MYO3A: variants seen among roughly 807,000 people sequenced by gnomAD.
The protein encoded by MYO3A is myosin-IIIa.
In MYO3A, 180 loss-of-function variants were observed where a neutral mutation model predicts 192.7. The observed-to-expected ratio is 0.93, with a 90% CI of 0.83 to 1.06. The LOEUF (loss-of-function observed/expected upper bound fraction) is 1.06, where lower values mean the gene tolerates loss of function less well. Ranked by LOEUF, MYO3A falls within the 50% of genes least tolerant of loss-of-function variation. The pLI is 0.00. For synonymous variants in MYO3A, 628 were observed against 645.3 expected (o/e 0.97, Z 0.41); for missense variants, 1,896 against 1,905.0 (o/e 1.00, Z 0.09).
intron 6 of MYO3A, among the ~76,000 whole-genome samples, chr10:26,007,806 C>T (rs1031963391): frequency 6.6e-5 from 10 of 151,448 alleles, no homozygotes; most frequent in Non-Finnish European, 1.5e-5. Context: ...GGCCATACTA[C>T]CCAAGGTAAT....
chr10:25,940,213 C>T (rs10764595), intron 2 of MYO3A, among the ~76,000 whole-genome samples: 108,973 of 151,858 alleles, frequency 0.72, 39,440 homozygotes, highest in African/African-American at 0.79. Context: ...CTTGTTATTT[C>T]ATGCTGTCTA....
intron 10 of MYO3A, among the ~76,000 whole-genome samples, chr10:26,041,203 T>C (rs1843327410): frequency 6.6e-6 from 1 of 152,130 alleles, no homozygotes; most frequent in African/African-American, 2.4e-5. Flanking sequence ...GGTATAAGTA[T>C]AGTGACTCCT....
rs1332652655 is a variant in MYO3A at position 26,176,804 on chromosome 10, A to G, written c.4397A>G (p.Lys1466Arg). 3 of 1,614,092 alleles carry G rather than the reference A, an allele frequency of 1.9e-6. No individual in the cohort carries two copies. Among genetic ancestry groups the G allele is most frequent in the Non-Finnish European group, 2.5e-6 (3 of 1,180,038 alleles). Residue 1466 changes from lysine to arginine, a missense_variant, in exon 31 of 35, where the codon AAG (lysine) becomes AGG (arginine). Transcript: ENST00000642920. ...CTTTATCTGGGTGTCTCGCACCATA[A>G]GCCAATTAATAGACGAGTTTCTTCT... ...KSLYLGVSHHKPINRRVSSQQ... is the reference protein window; with the variant it reads ...KSLYLGVSHHRPINRRVSSQQ...
chr10:26,019,845 C>T (rs1380848730), intron 7 of MYO3A, among the ~76,000 whole-genome samples: 2 of 152,160 alleles, frequency 1.3e-5, no homozygotes, highest in African/African-American at 2.4e-5. Context: ...AGCAATATTC[C>T]TATGAATATT....
rs755448667 is a variant in MYO3A, at chr10:26,212,044, G to T, written c.*81G>T. The T allele has an allele frequency of 3.9e-5, 60 of 1,525,800 alleles. No homozygotes were observed. The African/African-American group carries it at 7.5e-4, about 19-fold the overall frequency. The allele number at this position is 1,525,800 out of a possible 1,614,324, so 94.5% of individuals were successfully genotyped here. On this transcript the variant is annotated 3_prime_UTR_variant, in exon 35 of 35. Coordinates refer to ENST00000642920, the MANE Select transcript of MYO3A (RefSeq NM_017433.5). ...GGGGCCAAGCAGGCACTCTGGGGCT[G>T]GCACCAGCAGGCACTGAAGCTGCGG...
At chr10:25,996,781 G>A (rs1233115507) in intron 5 of MYO3A, among the ~76,000 whole-genome samples, 187 bp downstream of exon 5, 1 of 152,052 alleles carries the variant, frequency 6.6e-6, no homozygotes, top group East Asian at 1.9e-4. Context: ...ACTTTCATTG[G>A]ACCAACAGGA....
intron 17 of MYO3A, among the ~76,000 whole-genome samples, chr10:26,112,697 G>C (rs1838266234): frequency 6.6e-6 from 1 of 152,108 alleles, no homozygotes; most frequent in African/African-American, 2.4e-5. Context: ...AGAGTTTACA[G>C]TTCACGTGTG....
At chr10:26,183,395 C>T (rs1434097554) in intron 31 of MYO3A, among the ~76,000 whole-genome samples, 2 of 152,122 alleles carry the variant, frequency 1.3e-5, no homozygotes, top group Non-Finnish European at 2.9e-5. Flanking sequence ...TGGTGGCGGG[C>T]GCCTATAGTC....
chr10:26,021,611 G>C lies in MYO3A; in HGVS notation c.694G>C (p.Asp232His), dbSNP rs764874627. The part of the protein sequence containing the change: ...ELGDGDPPLA[D>H]LHPMRALFKI... Reference sequence around the variant, plus strand: ...GGGTGATGGAGATCCTCCACTAGCTGACCTTCATCCCATGAGAGCACTCTT... The same window carrying C: ...GGGTGATGGAGATCCTCCACTAGCTCACCTTCATCCCATGAGAGCACTCTT... The change falls in exon 8 of 35, where the codon GAC becomes CAC. Residue 232 changes from aspartate (D) to histidine (H), a missense_variant. Coordinates refer to ENST00000642920, the MANE Select transcript of MYO3A (RefSeq NM_017433.5). The C allele has an allele frequency of 6.2e-7, 1 of 1,614,098 alleles. No individual in the cohort carries two copies.
At chr10:26,150,806 T>A (rs1433527188) in intron 23 of MYO3A, among the ~76,000 whole-genome samples, 1 of 152,150 alleles carries the variant, frequency 6.6e-6, no homozygotes, top group Non-Finnish European at 1.5e-5. Flanking sequence ...TCATTCTCTT[T>A]TTCTTTCTCG....
chr10:26,166,936 C>T (rs6482532), intron 27 of MYO3A, among the ~76,000 whole-genome samples: 63,254 of 151,958 alleles, frequency 0.42, 13,333 homozygotes, highest in Middle Eastern at 0.52. Flanking sequence ...CAATCTTGAA[C>T]ATGGAAGAAA....
intron 34 of MYO3A, chr10:26,204,197 C>T (rs1489472065): frequency 6.6e-6 from 1 of 152,232 alleles, no homozygotes; most frequent in East Asian, 1.9e-4. Context: ...AGTCTAATCT[C>T]AGAGCTCTGT....
At position 26,202,714 on chromosome 10, in the gene MYO3A, T is replaced by C. The variant is rs1021444803; in HGVS notation, c.4587-250T>C. ...AGTAACCACTAGTTTGGTGCCAAGT[T>C]CAGTGCAATAGAACCAGGAAAATGT... On this transcript the variant is annotated intron_variant, in intron 33 of 34. Transcript: ENST00000642920. 9.4e-6 allele frequency: 4 copies of C among 425,724 alleles called. No individual in the cohort carries two copies. The Admixed American group carries it at 1.1e-4, about 12-fold the overall frequency. The allele number at this position is 425,724 out of a possible 1,614,324, so 26.4% of individuals were successfully genotyped here. A position where few individuals can be genotyped will look rare whatever the true frequency, so the allele number is the denominator to read the frequency against.
chr10:25,978,331 C>T (rs1383765810), intron 4 of MYO3A, among the ~76,000 whole-genome samples: 1 of 152,214 alleles, frequency 6.6e-6, no homozygotes, highest in Non-Finnish European at 1.5e-5. Context: ...TGTACTTACA[C>T]ATGGCTGGGG....
chr10:26,005,954 C>T (rs1468177354), intron 6 of MYO3A, among the ~76,000 whole-genome samples: 1 of 151,912 alleles, frequency 6.6e-6, no homozygotes, highest in Non-Finnish European at 1.5e-5. Context: ...AAAGTTGAAC[C>T]ATGAATAAGT....
intron 32 of MYO3A, among the ~76,000 whole-genome samples, chr10:26,197,985 A>G (rs1290023229): frequency 6.6e-6 from 1 of 152,246 alleles, no homozygotes; most frequent in East Asian, 1.9e-4. Flanking sequence ...TACTCCTCAG[A>G]ACACTGTGCT....
intron 10 of MYO3A, among the ~76,000 whole-genome samples, chr10:26,030,497 T>A (rs886571522): frequency 1.3e-5 from 2 of 152,162 alleles, no homozygotes; most frequent in African/African-American, 2.4e-5. Context: ...AGTCCCAAAG[T>A]GTGAGACATA....
intron 20 of MYO3A, among the ~76,000 whole-genome samples, chr10:26,138,902 G>A (rs184181864): frequency 2.0e-5 from 3 of 152,298 alleles, no homozygotes; most frequent in African/African-American, 7.2e-5. Flanking sequence ...AGACCAGGGA[G>A]CAAACATCAA....
Position 26,174,017 on chromosome 10 carries a change from A to G in MYO3A, c.3753A>G (p.Glu1251=), listed in dbSNP as rs1339477461. The G allele has an allele frequency of 1.2e-6, 2 of 1,611,606 alleles. No individual in the cohort carries two copies. Among genetic ancestry groups the G allele is most frequent in the African/African-American group, 2.7e-5 (2 of 74,574 alleles). ...YQRYTEERNC[E]ESKAAYLERK... ...GGTACACAGAGGAGAGGAATTGTGA[A>G]GAGTCAAAAGCAGCATATCTAGAAA... is the stretch of plus-strand genomic sequence containing the variant. The change falls in exon 30 of 35, where the codon GAA becomes GAG. Residue 1251 remains glutamate, a synonymous_variant. Coordinates refer to ENST00000642920, the MANE Select transcript of MYO3A (RefSeq NM_017433.5).
Sources: gnomAD v4.1 joint callset for allele counts (sites outside exome capture counted in the v4.1 genomes callset) on GRCh38, gnomAD v4.1.1 for gene constraint, MANE v1.5 for transcripts, NCBI Gene and HGNC (gene_info 2026-07-23, HGNC 2026-07-21) for gene names.